EMG1: variants seen among roughly 807,000 people sequenced by gnomAD.
EMG1 encodes EMG1 N1-specific pseudouridine methyltransferase, also known as ribosomal RNA small subunit methyltransferase NEP1.
In EMG1, 24 loss-of-function variants were observed where a neutral mutation model predicts 26.9. The observed-to-expected ratio is 0.89, with a 90% CI of 0.65 to 1.26. The LOEUF (loss-of-function observed/expected upper bound fraction) is 1.26. EMG1 is among the 50% of genes most tolerant of loss of function. The pLI is 0.00. For missense variants in EMG1, 299 were observed against 307.6 expected (o/e 0.97, Z 0.21); for synonymous variants, 140 against 112.6 (o/e 1.24, Z -1.54).
downstream of EMG1, chr12:6,980,962 T>G (rs782082000): frequency 5.9e-6 from 9 of 1,525,652 alleles, no homozygotes; most frequent in South Asian, 9.1e-5. Context: ...TCAGAGTGAG[T>G]GAAATACCTA....
chr12:6,978,672 G>A lies in EMG1; in HGVS notation c.*2863G>A, dbSNP rs1555153654. 3.1e-6 allele frequency: 5 copies of A among 1,614,070 alleles called. No homozygotes were observed. The South Asian group carries it at 5.5e-5, about 18-fold the overall frequency. On this transcript the variant is annotated 3_prime_UTR_variant, in exon 6 of 6. Coordinates refer to ENST00000599672, the MANE Select transcript of EMG1 (RefSeq NM_006331.8). The stretch of plus-strand genomic sequence containing the variant: ...CCCAGATCAGCATGTACATGCAGCG[G>A]AACCAGAAGGGGTGGTTCTTGAGGG...
downstream of EMG1, chr12:6,982,630 A>C (rs782297992): frequency 6.9e-7 from 1 of 1,446,430 alleles, no homozygotes; most frequent in African/African-American, 1.4e-5. Context: ...CTGTCCCCTG[A>C]ACCGCTGTCA....
downstream of EMG1, chr12:6,983,431 C>A: frequency 1.3e-6 from 2 of 1,589,444 alleles, no homozygotes; most frequent in Non-Finnish European, 1.7e-6. Context: ...AGTTTACTCA[C>A]CAAAGTTAAA....
downstream of EMG1, chr12:6,983,451 T>C (rs1946490762): frequency 6.2e-7 from 1 of 1,606,956 alleles, no homozygotes; most frequent in South Asian, 1.1e-5. Context: ...AATAAGCAAT[T>C]GAGAGGCCTG....
chr12:6,972,066 C>CTTTTTT (rs11292192), intron 1 of EMG1, among the ~76,000 whole-genome samples: 1 of 124,700 alleles, frequency 8.0e-6, no homozygotes, highest in Non-Finnish European at 1.7e-5. Context: ...TCTAAATACA[C>CTTTTTT]TTTTTTTTTT....
At position 6,975,841 on chromosome 12, in the gene EMG1, TG is replaced by T; in HGVS notation, c.*33del. The T allele has an allele frequency of 8.0e-7, 1 of 1,251,022 alleles. No homozygotes were observed. The highest frequency in any genetic ancestry group is 1.2e-6 in the Non-Finnish European group (1 of 849,938). 77.5% of individuals were successfully genotyped at this position (1,251,022 alleles called of 1,614,324 possible). ...TAGAACCTGTTCTGAAACCAGAAAC[TG>T]TTGATGTCACATCCTTTGACCCTGG... On this transcript the variant is annotated 3_prime_UTR_variant, in exon 6 of 6. Coordinates refer to ENST00000599672, the MANE Select transcript of EMG1 (RefSeq NM_006331.8).
intron 1 of EMG1, among the ~76,000 whole-genome samples, chr12:6,972,839 CTTTT>C (rs1555152462): frequency 6.6e-6 from 1 of 152,048 alleles, no homozygotes; most frequent in African/African-American, 2.4e-5. Flanking sequence ...TCCACTTTTT[CTTTT>C]TTGTTTCTTT....
intron 1 of EMG1, 49 bp from the exon 2 acceptor site, chr12:6,974,290 A>G: frequency 1.5e-6 from 2 of 1,357,832 alleles, no homozygotes; most frequent in Non-Finnish European, 2.1e-6. Flanking sequence ...CCACGGGGCT[A>G]GGTAACAGAA....
downstream of EMG1, among the ~76,000 whole-genome samples, chr12:6,990,916 C>CA (rs59031613): frequency 0.25 from 16,841 of 68,022 alleles, 3,135 homozygotes; most frequent in African/African-American, 0.51. Flanking sequence ...GACTCCAAAT[C>CA]AAAAAAAAAA....
chr12:6,981,256 A>G (rs1322290112), downstream of EMG1: 58 of 1,233,458 alleles, frequency 4.7e-5, no homozygotes, highest in Middle Eastern at 1.2e-3. Context: ...AGTGTTCCCC[A>G]CCTGTGTGCC....
chr12:6,974,972 A>G, intron 3 of EMG1, 118 bp from the exon 4 acceptor site: 1 of 1,049,718 alleles, frequency 9.5e-7, no homozygotes, highest in Non-Finnish European at 1.5e-6. Flanking sequence ...TCAGGAGTCC[A>G]GTCTAGATAT....
rs1555152960 is a variant in EMG1, at chr12:6,975,288, T to C, written c.531T>C (p.Ser177=). 6.8e-6 allele frequency: 11 copies of C among 1,612,696 alleles called. No individual in the cohort carries two copies. The highest frequency in any genetic ancestry group is 2.2e-5 in the East Asian group (1 of 44,880). ...TTGGATGTATGAAAGTTGGCACTTC[T>C]TTTTCCATCCCGGTTGTCAGTGATG... ...FPVGCMKVGT[S]FSIPVVSDVR... Residue 177 remains serine (S), a synonymous_variant, in exon 5 of 6, where the codon TCT becomes TCC. Coordinates refer to ENST00000599672, the MANE Select transcript of EMG1 (RefSeq NM_006331.8).
rs782749504 is a variant in EMG1 at position 6,979,283 on chromosome 12, A to C, written c.*3474A>C. On this transcript the variant is annotated 3_prime_UTR_variant, in exon 6 of 6. Transcript: ENST00000599672. ...ACCTGGCACAGCCCTGTGCCCGCGAAGGTTGTTCAGTGCTGGCTGATGAAC... is the reference window on the plus strand; with the variant it reads ...ACCTGGCACAGCCCTGTGCCCGCGACGGTTGTTCAGTGCTGGCTGATGAAC... 1.8e-5 allele frequency: 11 copies of C among 598,958 alleles called. No individual in the cohort carries two copies. The highest frequency in any genetic ancestry group is 1.5e-4 in the African/African-American group (8 of 53,856). The allele number at this position is 598,958 out of a possible 1,614,324, so 37.1% of individuals were successfully genotyped here. A position where few individuals can be genotyped will look rare whatever the true frequency, so the allele number is the denominator to read the frequency against.
chr12:6,977,696 C>T lies in EMG1; in HGVS notation c.*1887C>T. The T allele has an allele frequency of 1.9e-6, 3 of 1,614,156 alleles. No homozygotes were observed. Among genetic ancestry groups the T allele is most frequent in the Non-Finnish European group, 2.5e-6 (3 of 1,180,032 alleles). ...AGGGCCAGGAATAGCAACGAGAGAC[C>T]CTGAGAGAGTTCTTTATTTCCAAGG... On this transcript the variant is annotated 3_prime_UTR_variant, in exon 6 of 6. Coordinates refer to ENST00000599672, the MANE Select transcript of EMG1 (RefSeq NM_006331.8). This position sits in a 1 kb window ranked among gnomAD's most constrained non-coding sequence, Gnocchi z 4.5.
downstream of EMG1, chr12:6,983,023 C>T: frequency 1.7e-6 from 1 of 590,782 alleles, no homozygotes; most frequent in Non-Finnish European, 3.1e-6. Flanking sequence ...GCTCTGTTGT[C>T]CAGACTTGAG....
intron 2 of EMG1, 25 bp downstream of exon 2, chr12:6,974,465 A>G (rs1565594165): frequency 6.2e-7 from 1 of 1,608,102 alleles, no homozygotes; most frequent in Non-Finnish European, 8.5e-7. Flanking sequence ...AGTGCTCACA[A>G]CCCTTTGAGC....
chr12:6,992,963 A>G (rs1188510836), downstream of EMG1, among the ~76,000 whole-genome samples: 1 of 152,190 alleles, frequency 6.6e-6, no homozygotes, highest in Non-Finnish European at 1.5e-5. Context: ...GCTGCTATAT[A>G]GCATATTGTT....
In EMG1 at chr12:6,976,863, A is replaced by G. The variant is rs1047302572; in HGVS notation, c.*1054A>G. 1.6e-5 allele frequency: 5 copies of G among 310,492 alleles called. No individual in the cohort carries two copies. Among genetic ancestry groups the G allele is most frequent in the Non-Finnish European group, 2.4e-5 (4 of 163,796 alleles). The allele number at this position is 310,492 out of a possible 1,614,324, so 19.2% of individuals were successfully genotyped here. A position where few individuals can be genotyped will look rare whatever the true frequency, so the allele number is the denominator to read the frequency against. On this transcript the variant is annotated 3_prime_UTR_variant, in exon 6 of 6. Coordinates refer to ENST00000599672, the MANE Select transcript of EMG1 (RefSeq NM_006331.8). ...GAGTGCTGTGAAAAGGGAGACGAGT[A>G]GTTTCTGCACCAGTCCCGCACAGGC... is the stretch of plus-strand genomic sequence containing the variant.
chr12:6,993,731 G>C (rs1229302791), intron 7 of EMG1, among the ~76,000 whole-genome samples: 1 of 152,114 alleles, frequency 6.6e-6, no homozygotes, highest in Non-Finnish European at 1.5e-5. Context: ...TCCTGTTTAT[G>C]GCTGAATAAT....
Sources: gnomAD v4.1 joint callset for allele counts (sites outside exome capture counted in the v4.1 genomes callset) on GRCh38, gnomAD v4.1.1 for gene constraint, Gnocchi (gnomAD v3.1) non-coding constraint, MANE v1.5 for transcripts, NCBI Gene and HGNC (gene_info 2026-07-23, HGNC 2026-07-21) for gene names.